ADAMTS15: variants seen among roughly 807,000 people sequenced by gnomAD.
ADAMTS15 encodes the protein ADAM metallopeptidase with thrombospondin type 1 motif 15.
A neutral mutation model predicts 79.1 loss-of-function variants in ADAMTS15; 35 were observed. The observed-to-expected ratio is 0.44, with a 90% CI of 0.34 to 0.59. ADAMTS15 has a LOEUF of 0.59. Among genes scored for constraint, ADAMTS15 ranks in the 20% least tolerant of loss-of-function variants. The pLI, the probability that ADAMTS15 is intolerant of heterozygous loss-of-function variation, is 0.02. For synonymous variants in ADAMTS15, 616 were observed against 567.3 expected, an observed-to-expected ratio of 1.09 and a Z score of -1.22; for missense variants, 1,324 against 1,318.7, an observed-to-expected ratio of 1.00 and a Z score of -0.06.
At chr11:130,455,272 A>G (rs377442045) in intron 1 of ADAMTS15, among the ~76,000 whole-genome samples, 1 of 152,312 alleles carries the variant, frequency 6.6e-6, no homozygotes, top group African/African-American at 2.4e-5. Flanking sequence ...TTCTTGTTGA[A>G]TAATTAGCTA....
intron 1 of ADAMTS15, among the ~76,000 whole-genome samples, chr11:130,457,779 C>G (rs1938117133): frequency 6.6e-6 from 1 of 152,126 alleles, no homozygotes; most frequent in Admixed American, 6.6e-5. Flanking sequence ...CTGCTGGGCC[C>G]CTGTATAAGC....
rs772440958 is a variant in ADAMTS15 at position 130,449,819 on chromosome 11, C to T, written c.846C>T (p.Thr282=). The T allele has an allele frequency of 6.8e-6, 11 of 1,610,408 alleles. No homozygotes were observed. In the Admixed American group the frequency reaches 1.8e-4, roughly 27 times the overall value. Residue 282 remains threonine, a synonymous_variant, in exon 1 of 8, where the codon ACC becomes ACT. Coordinates refer to ENST00000299164, the MANE Select transcript of ADAMTS15 (RefSeq NM_139055.4). The surrounding 1 kb of genome is among the most constrained non-coding windows in gnomAD (Gnocchi z 7.8). Reference sequence around the variant, plus strand: ...ATCGTGACTCCGGGCCCAAGGTCACCGGCAATGCGGCCCTGACGCTGCGCA... The same window carrying T: ...ATCGTGACTCCGGGCCCAAGGTCACTGGCAATGCGGCCCTGACGCTGCGCA... ...LRDRDSGPKV[T]GNAALTLRNF...
chr11:130,473,785 C>G lies in ADAMTS15; in HGVS notation c.2817C>G (p.Pro939=). 1 of 1,598,684 alleles carries G rather than the reference C, an allele frequency of 6.3e-7. No homozygotes were observed. The highest frequency in any genetic ancestry group is 8.5e-7 in the Non-Finnish European group (1 of 1,179,536). The change falls in exon 8 of 8, where the codon CCC becomes CCG. Residue 939 remains proline (P), a synonymous_variant. Transcript: ENST00000299164. The part of the protein sequence containing the change: ...ARDQCNLHRK[P]QELDFCVLRP... ...ACCAGTGCAACTTGCACCGCAAGCC[C>G]CAGGAGCTGGACTTCTGCGTCCTGA...
intron 4 of ADAMTS15, among the ~76,000 whole-genome samples, chr11:130,463,846 A>G (rs1938252024): frequency 6.6e-6 from 1 of 152,238 alleles, no homozygotes; most frequent in Non-Finnish European, 1.5e-5. Context: ...GCTGTGATAC[A>G]AGACACAGAG....
intron 4 of ADAMTS15, among the ~76,000 whole-genome samples, chr11:130,468,079 AAAT>A (rs1278899972): frequency 6.6e-6 from 1 of 152,160 alleles, no homozygotes; most frequent in Non-Finnish European, 1.5e-5. Context: ...CACTAACAAC[AAAT>A]AAAGGGAATC....
At chr11:130,457,699 G>A (rs540355365) in intron 1 of ADAMTS15, among the ~76,000 whole-genome samples, 1 of 152,210 alleles carries the variant, frequency 6.6e-6, no homozygotes, top group African/African-American at 2.4e-5. Flanking sequence ...GGCTGAAGAG[G>A]TTAAGGCAGT....
rs913448361 is a variant in ADAMTS15 at position 130,471,386 on chromosome 11, G to A, written c.2078+3G>A. The A allele has an allele frequency of 1.5e-5, 24 of 1,606,166 alleles. No individual in the cohort carries two copies. Among genetic ancestry groups the A allele is most frequent in the Non-Finnish European group, 2.0e-5 (24 of 1,178,284 alleles). ...ACTGGACTCTTCACCAAGCCCATGT[G>A]AGTTCTGGGCCCTGAAGGTCCTGCC... On this transcript the variant is annotated splice_donor_region_variant and intron_variant, in intron 7 of 7. Coordinates refer to ENST00000299164, the MANE Select transcript of ADAMTS15 (RefSeq NM_139055.4).
intron 4 of ADAMTS15, among the ~76,000 whole-genome samples, chr11:130,463,561 C>T (rs80037612): frequency 0.025 from 3,754 of 152,214 alleles, 126 homozygotes; most frequent in African/African-American, 0.076. Flanking sequence ...GTTCTCAGCT[C>T]GGGGACGACT....
In ADAMTS15 at chr11:130,449,071, C is replaced by T. The variant is rs564476480; in HGVS notation, c.98C>T (p.Pro33Leu). The change falls in exon 1 of 8, where the codon CCG becomes CTG. Residue 33 changes from proline (P) to leucine (L), a missense_variant. Physicochemically the swap from Pro to Leu is moderately conservative, Grantham distance 98 (BLOSUM62 -3). Transcript: ENST00000299164. The surrounding 1 kb of genome is among the most constrained non-coding windows in gnomAD (Gnocchi z 7.8). ...REVVVPIRLD[P>L]DINGRRYYWR... ...GTAGTCGTTCCCATCCGACTGGACCCGGACATTAACGGCCGCCGCTACTAC... is the reference window on the plus strand; with the variant it reads ...GTAGTCGTTCCCATCCGACTGGACCTGGACATTAACGGCCGCCGCTACTAC... The T allele has an allele frequency of 6.4e-7, 1 of 1,574,186 alleles. No homozygotes were observed. Among genetic ancestry groups the T allele is most frequent in the East Asian group, 2.3e-5 (1 of 44,232 alleles).
rs1367795756 is a variant in ADAMTS15 at position 130,462,085 on chromosome 11, A to G, written c.1091-2A>G. ...TCTCAGTCCTCTTGCCTTACCCCAC[A>G]GGCCACGTGTTCAACATGCCCCATG... On this transcript the variant is annotated splice_acceptor_variant, in intron 2 of 7. Coordinates refer to ENST00000299164, the MANE Select transcript of ADAMTS15 (RefSeq NM_139055.4). LOFTEE classifies it high-confidence loss of function. This position sits in a 1 kb window ranked among gnomAD's most constrained non-coding sequence, Gnocchi z 4.3. 6.2e-7 allele frequency: 1 copy of G among 1,610,880 alleles called. No homozygotes were observed. Among genetic ancestry groups the G allele is most frequent in the Non-Finnish European group, 8.5e-7 (1 of 1,178,384 alleles).
chr11:130,462,083 A>G lies in ADAMTS15; in HGVS notation c.1091-4A>G. The G allele has an allele frequency of 6.2e-7, 1 of 1,607,218 alleles. No individual in the cohort carries two copies. Among genetic ancestry groups the G allele is most frequent in the African/African-American group, 1.4e-5 (1 of 73,558 alleles). ...CCTCTCAGTCCTCTTGCCTTACCCC[A>G]CAGGCCACGTGTTCAACATGCCCCA... On this transcript the variant is annotated splice_region_variant and splice_polypyrimidine_tract_variant and intron_variant, in intron 2 of 7. Coordinates refer to ENST00000299164, the MANE Select transcript of ADAMTS15 (RefSeq NM_139055.4). This position sits in a 1 kb window ranked among gnomAD's most constrained non-coding sequence, Gnocchi z 4.3.
At chr11:130,461,975 T>A in intron 2 of ADAMTS15, 112 bp from the exon 3 acceptor site, 1 of 1,273,168 alleles carries the variant, frequency 7.9e-7, no homozygotes, top group Non-Finnish European at 1.1e-6. Flanking sequence ...TAGTTGGCAA[T>A]GACCAGCCTG....
chr11:130,460,130 C>A (rs1043313293), intron 1 of ADAMTS15, among the ~76,000 whole-genome samples: 3 of 152,176 alleles, frequency 2.0e-5, no homozygotes, highest in African/African-American at 7.2e-5. Context: ...CACATAGATA[C>A]AATAATATGT....
At chr11:130,470,178 ATATG>A (rs1243434475) in intron 5 of ADAMTS15, among the ~76,000 whole-genome samples, 812 of 51,376 alleles carry the variant, frequency 0.016, 44 homozygotes, top group East Asian at 0.02. Flanking sequence ...ATATATATAT[ATATG>A]TGTGTATATA....
At chr11:130,467,021 C>A (rs969427946) in intron 4 of ADAMTS15, among the ~76,000 whole-genome samples, 1 of 152,148 alleles carries the variant, frequency 6.6e-6, no homozygotes, top group African/African-American at 2.4e-5. Flanking sequence ...GTCTGTCTCC[C>A]CACTAGGGAG....
In ADAMTS15 at chr11:130,462,355, G is replaced by T. The variant is rs1592146924; in HGVS notation, c.1258+101G>T. ...CTTCTCCGTCCTCTGTACATTAGGT[G>T]TGTGTGCCCCCTCGGAGCCGGGCTC... is the stretch of plus-strand genomic sequence containing the variant. On this transcript the variant is annotated intron_variant, in intron 3 of 7. Transcript: ENST00000299164. This position sits in a 1 kb window ranked among gnomAD's most constrained non-coding sequence, Gnocchi z 4.3. 7 of 1,491,390 alleles carry T rather than the reference G, an allele frequency of 4.7e-6. No individual in the cohort carries two copies. In the East Asian group the frequency reaches 1.4e-4, roughly 31 times the overall value. The allele number at this position is 1,491,390 out of a possible 1,614,324, so 92.4% of individuals were successfully genotyped here.
rs929170514 is a variant in ADAMTS15 at position 130,474,181 on chromosome 11, T to C, written c.*360T>C. ...GGCCCCCAGAACGGAGGCCACAGGC[T>C]GCTGGAAGAGCCATGTCCCAGCAGC... On this transcript the variant is annotated 3_prime_UTR_variant, in exon 8 of 8. Transcript: ENST00000299164. The C allele has an allele frequency of 1.7e-5, 4 of 230,206 alleles. No individual in the cohort carries two copies. The highest frequency in any genetic ancestry group is 9.0e-5 in the African/African-American group (4 of 44,458). 14.3% of individuals were successfully genotyped at this position (230,206 alleles called of 1,614,324 possible). A position where few individuals can be genotyped will look rare whatever the true frequency, so the allele number is the denominator to read the frequency against.
At position 130,470,202 on chromosome 11, in the gene ADAMTS15, A is replaced by ATG. The variant is rs1565397926; in HGVS notation, c.1721-717_1721-716insGT. On this transcript the variant is annotated intron_variant, in intron 5 of 7. Transcript: ENST00000299164. The stretch of plus-strand genomic sequence containing the variant: ...TATATGTGTGTATATATATATATAT[A>ATG]TATATATGTATATATATATATATTT... Among the ~76,000 whole-genome samples the ATG allele has an allele frequency of 6.5e-4, 41 of 63,040 alleles. 1 individual carries two copies. Among genetic ancestry groups the ATG allele is most frequent in the Non-Finnish European group, 1.1e-3 (35 of 32,850 alleles). The allele number at this position is 63,040 out of a possible 152,430, so 41.4% of individuals were successfully genotyped here.
chr11:130,468,784 ATAAT>A (rs1938359648), intron 4 of ADAMTS15, among the ~76,000 whole-genome samples: 1 of 149,158 alleles, frequency 6.7e-6, no homozygotes, highest in African/African-American at 2.5e-5. Context: ...AAAAAAAAAA[ATAAT>A]TAGCCGGGCA....
Sources: gnomAD v4.1 joint callset for allele counts (sites outside exome capture counted in the v4.1 genomes callset) on GRCh38, gnomAD v4.1.1 for gene constraint, Gnocchi (gnomAD v3.1) non-coding constraint, MANE v1.5 for transcripts, NCBI Gene and HGNC (gene_info 2026-07-23, HGNC 2026-07-21) for gene names.